SKAP1: variants seen among roughly 807,000 people sequenced by gnomAD.
The protein encoded by SKAP1 is src kinase associated phosphoprotein 1.
Under a neutral mutation model 58.5 loss-of-function variants are expected in SKAP1, and 44 were observed. The observed-to-expected ratio is 0.75, with a 90% confidence interval of 0.59 to 0.97. SKAP1 has a LOEUF of 0.97. Ranked by LOEUF, SKAP1 falls within the 50% of genes least tolerant of loss-of-function variation. SKAP1 has a pLI of 0.00. For synonymous variants in SKAP1, 127 were observed against 149.7 expected, an observed-to-expected ratio of 0.85 and a Z score of 1.11; for missense variants, 390 against 435.2, an observed-to-expected ratio of 0.90 and a Z score of 0.92.
At chr17:48,291,926 T>C (rs1158882653) in intron 4 of SKAP1, among the ~76,000 whole-genome samples, 1 of 152,152 alleles carries the variant, frequency 6.6e-6, no homozygotes, top group Non-Finnish European at 1.5e-5. Context: ...TTTGGATATT[T>C]ATATAGAGAT....
intron 4 of SKAP1, among the ~76,000 whole-genome samples, chr17:48,218,895 A>C (rs1002704461): frequency 5.9e-5 from 9 of 152,078 alleles, no homozygotes; most frequent in Non-Finnish European, 1.3e-4. Context: ...TAAAAAAAAA[A>C]CCCTCATGGG....
At chr17:48,204,743 T>C (rs2064771669) in intron 4 of SKAP1, among the ~76,000 whole-genome samples, 3 of 152,072 alleles carry the variant, frequency 2.0e-5, no homozygotes, top group Admixed American at 2.0e-4. Flanking sequence ...AGACATTGAG[T>C]GGGACTGCTG....
chr17:48,433,293 G>A (rs887063883), upstream of SKAP1, among the ~76,000 whole-genome samples: 3 of 152,208 alleles, frequency 2.0e-5, no homozygotes, highest in Admixed American at 2.0e-4. Context: ...AAGGCAAAAC[G>A]TGATAGTCAC....
intron 4 of SKAP1, among the ~76,000 whole-genome samples, chr17:48,280,447 G>A (rs2065752559): frequency 6.7e-6 from 1 of 150,358 alleles, no homozygotes; most frequent in African/African-American, 2.4e-5. Context: ...TGGATGACAG[G>A]CTGCACTCCA....
chr17:48,374,201 A>ATTTT (rs1403883705), intron 2 of SKAP1, among the ~76,000 whole-genome samples: 1 of 111,734 alleles, frequency 8.9e-6, no homozygotes, highest in African/African-American at 4.1e-5. Flanking sequence ...TGCCTGGCTA[A>ATTTT]TTTTTGTTTT....
Position 48,362,892 on chromosome 17 carries a change from GAA to G in SKAP1, c.178+895_178+896del, listed in dbSNP as rs529378357. 3.1e-3 allele frequency among the ~76,000 whole-genome samples: 465 copies of G among 152,242 alleles called. 2 individuals carry two copies. The highest frequency in any genetic ancestry group is 0.011 in the African/African-American group (446 of 41,554). Reference sequence around the variant, plus strand: ...ACTTAAAAAGTTTACAATTGGTTAAGAAAGTTATAGAGCAAAATAGTTTATAA... The same window carrying G: ...ACTTAAAAAGTTTACAATTGGTTAAGAGTTATAGAGCAAAATAGTTTATAA... On this transcript the variant is annotated intron_variant, in intron 3 of 12. Transcript: ENST00000336915.
chr17:48,218,344 C>A (rs1042577934), intron 4 of SKAP1, among the ~76,000 whole-genome samples: 3 of 152,198 alleles, frequency 2.0e-5, no homozygotes, highest in African/African-American at 7.2e-5. Context: ...TAAACACTGA[C>A]ATTCACACTG....
chr17:48,433,564 T>G (rs1050751625), upstream of SKAP1, among the ~76,000 whole-genome samples: 21 of 152,036 alleles, frequency 1.4e-4, no homozygotes, highest in African/African-American at 4.8e-4. Context: ...GCCTGCCCCT[T>G]AAAGACAAAC....
intron 4 of SKAP1, among the ~76,000 whole-genome samples, chr17:48,268,022 A>G (rs777198276): frequency 1.3e-5 from 2 of 152,236 alleles, no homozygotes; most frequent in Non-Finnish European, 2.9e-5. Flanking sequence ...AGTTAATGTA[A>G]TAATCCAGTG....
At chr17:48,144,948 C>T (rs1010665598) in intron 11 of SKAP1, among the ~76,000 whole-genome samples, 2 of 152,112 alleles carry the variant, frequency 1.3e-5, no homozygotes, top group African/African-American at 2.4e-5. Context: ...TACATGCTCA[C>T]TATTCCATAA....
Position 48,137,333 on chromosome 17 carries a change from T to G in SKAP1, c.983A>C (p.Tyr328Ser). Residue 328 changes from tyrosine to serine, a missense_variant, in exon 12 of 13, where the codon TAT (tyrosine) becomes TCT (serine). Tyr to Ser is a moderately radical substitution (Grantham distance 144, BLOSUM62 -2). Transcript: ENST00000336915. ...TCCCACCCACCAGCCATACATGTTA[T>G]ACTCCTGAAAAGTGAAAAGAGGATA... ...GDLIRILSKE[Y>S]NMYGWWVGEL... is the part of the protein sequence containing the mutation. The G allele has an allele frequency of 6.2e-7, 1 of 1,610,762 alleles. No homozygotes were observed.
chr17:48,360,105 T>TA (rs1272861774), intron 3 of SKAP1, among the ~76,000 whole-genome samples: 1 of 152,194 alleles, frequency 6.6e-6, no homozygotes, highest in Non-Finnish European at 1.5e-5. Flanking sequence ...GGCCCATGTT[T>TA]ACCACTACCA....
chr17:48,420,383 T>C (rs2067779303), intron 1 of SKAP1, among the ~76,000 whole-genome samples: 2 of 152,168 alleles, frequency 1.3e-5, no homozygotes, highest in African/African-American at 4.8e-5. Flanking sequence ...TTTGGGAAAA[T>C]AACTTGTTTT....
At chr17:48,440,334 C>G in the SKAP1 span, among the ~76,000 whole-genome samples, 3 of 152,212 alleles carry the variant, frequency 2.0e-5, no homozygotes, top group Non-Finnish European at 2.9e-5. Flanking sequence ...TGGCAGTTCC[C>G]TCTGCCCCAG....
At chr17:48,355,288 T>A (rs2144363650) in intron 3 of SKAP1, among the ~76,000 whole-genome samples, 1 of 152,324 alleles carries the variant, frequency 6.6e-6, no homozygotes, top group African/African-American at 2.4e-5. Flanking sequence ...TTGTTTTGTT[T>A]TTGTTTTGAG....
intron 11 of SKAP1, among the ~76,000 whole-genome samples, chr17:48,144,757 A>G (rs1046421554): frequency 1.3e-5 from 2 of 152,124 alleles, no homozygotes; most frequent in African/African-American, 4.8e-5. Flanking sequence ...TGGCAAAGAG[A>G]ACTGAATTTC....
intron 11 of SKAP1, among the ~76,000 whole-genome samples, chr17:48,139,156 G>GCACT (rs2063738707): frequency 1.3e-5 from 2 of 151,908 alleles, no homozygotes; most frequent in African/African-American, 4.8e-5. Flanking sequence ...TGGGATTACA[G>GCACT]GTGTGAGCCA....
intron 4 of SKAP1, chr17:48,307,183 A>G (rs2066154098): frequency 6.6e-6 from 1 of 152,246 alleles, no homozygotes; most frequent in South Asian, 2.1e-4. Flanking sequence ...TCAAAGTTTC[A>G]TTAACATCTG....
intron 1 of SKAP1, among the ~76,000 whole-genome samples, chr17:48,424,348 C>T (rs35713035): frequency 0.21 from 31,500 of 150,974 alleles, 3,318 homozygotes; most frequent in Admixed American, 0.22. Flanking sequence ...GCCTCAGCCT[C>T]CCGAGTAGCT....
Sources: allele counts gnomAD v4.1 joint callset (sites outside exome capture counted in the v4.1 genomes callset), GRCh38; gene constraint gnomAD v4.1.1; transcripts MANE v1.5; gene names NCBI Gene and HGNC (gene_info 2026-07-23, HGNC 2026-07-21).